The following GALNT2 variants were observed in gnomAD, a reference collection of about 807,000 sequenced individuals.
GALNT2 encodes polypeptide N-acetylgalactosaminyltransferase 2.
A neutral mutation model predicts 81.4 loss-of-function variants in GALNT2; 31 were observed. The observed-to-expected ratio is 0.38, with a 90% CI of 0.29 to 0.51. GALNT2 has a LOEUF of 0.51. Ranked by LOEUF, GALNT2 falls within the 20% of genes least tolerant of loss-of-function variation. The pLI, the probability that GALNT2 is intolerant of heterozygous loss-of-function variation, is 0.87. For missense variants in GALNT2, 629 were observed against 765.7 expected (o/e 0.82, Z 2.11); for synonymous variants, 303 against 287.4 (o/e 1.05, Z -0.55).
rs1330804479 is a variant in GALNT2 at position 230,279,216 on chromosome 1, G to A, written c.1561-87G>A. On this transcript the variant is annotated intron_variant, in intron 15 of 15. Coordinates refer to ENST00000366672, the MANE Select transcript of GALNT2 (RefSeq NM_004481.5). This position sits in a 1 kb window ranked among gnomAD's most constrained non-coding sequence, Gnocchi z 4.6. Reference sequence around the variant, plus strand: ...ACGTGTCTATCTGTGAGTTTTTAATGCAGCCACAAGGTCCTGAATTCACAC... The same window carrying A: ...ACGTGTCTATCTGTGAGTTTTTAATACAGCCACAAGGTCCTGAATTCACAC... 2.1e-6 allele frequency: 3 copies of A among 1,399,984 alleles called. No individual in the cohort carries two copies. Among genetic ancestry groups the A allele is most frequent in the Non-Finnish European group, 2.9e-6 (3 of 1,031,094 alleles). The allele number at this position is 1,399,984 out of a possible 1,614,324, so 86.7% of individuals were successfully genotyped here.
chr1:230,075,521 G>A (rs951809185), intron 1 of GALNT2, among the ~76,000 whole-genome samples: 6 of 152,194 alleles, frequency 3.9e-5, no homozygotes, highest in African/African-American at 1.4e-4. Context: ...TGCCCCTCCG[G>A]AAGGAGCAGA....
At chr1:230,235,744 C>CT (rs200630073) in intron 3 of GALNT2, among the ~76,000 whole-genome samples, 2 of 152,072 alleles carry the variant, frequency 1.3e-5, no homozygotes, top group South Asian at 2.1e-4. Context: ...TTTTAAAACA[C>CT]TTTTTTTTAA....
At chr1:230,265,040 A>C (rs925409581) in intron 13 of GALNT2, 4 of 596,972 alleles carry the variant, frequency 6.7e-6, no homozygotes, top group Non-Finnish European at 9.0e-6. Flanking sequence ...ATACAGTCTT[A>C]AAGTGTTGGA....
intron 1 of GALNT2, among the ~76,000 whole-genome samples, chr1:230,116,011 C>T (rs1660834110): frequency 6.6e-6 from 1 of 152,218 alleles, no homozygotes; most frequent in Non-Finnish European, 1.5e-5. Flanking sequence ...AACTGCAGTT[C>T]CTTCTCCACT....
In GALNT2 at chr1:230,070,390, G is replaced by A. The variant is rs373221242; in HGVS notation, c.126+2984G>A. 6.6e-6 allele frequency among the ~76,000 whole-genome samples: 1 copy of A among 152,150 alleles called. No individual in the cohort carries two copies. Among genetic ancestry groups the A allele is most frequent in the African/African-American group, 2.4e-5 (1 of 41,418 alleles). On this transcript the variant is annotated intron_variant, in intron 1 of 15. Transcript: ENST00000366672. The surrounding 1 kb of genome is among the most constrained non-coding windows in gnomAD (Gnocchi z 4.7). Reference sequence around the variant, plus strand: ...TGGTACGTTGGCAGTGGATGGAGCCGCAGAAGAGAGGAAGGGATTTCTCTG... The same window carrying A: ...TGGTACGTTGGCAGTGGATGGAGCCACAGAAGAGAGGAAGGGATTTCTCTG...
chr1:230,182,473 T>G lies in GALNT2; in HGVS notation c.220+4162T>G, dbSNP rs143768415. Among the ~76,000 whole-genome samples, 109 of 152,372 alleles carry G rather than the reference T, an allele frequency of 7.2e-4. 1 individual carries two copies. Among genetic ancestry groups the G allele is most frequent in the East Asian group, 6.7e-3 (35 of 5,194 alleles). On this transcript the variant is annotated intron_variant, in intron 2 of 15. Coordinates refer to ENST00000366672, the MANE Select transcript of GALNT2 (RefSeq NM_004481.5). ...AATTTAAAATCATTTTTTCTTGAGATTTCTTCTTTGACCCCTGTGTCATTT... is the reference window on the plus strand; with the variant it reads ...AATTTAAAATCATTTTTTCTTGAGAGTTCTTCTTTGACCCCTGTGTCATTT...
intron 2 of GALNT2, among the ~76,000 whole-genome samples, chr1:230,187,870 A>G (rs1163385518): frequency 1.4e-4 from 21 of 152,072 alleles, no homozygotes; most frequent in African/African-American, 4.1e-4. Flanking sequence ...GATTCTCTCC[A>G]ACATCCGGCT....
At chr1:230,084,984 C>G (rs1158114864) in intron 1 of GALNT2, among the ~76,000 whole-genome samples, 2 of 152,028 alleles carry the variant, frequency 1.3e-5, no homozygotes, top group South Asian at 4.1e-4. Flanking sequence ...TAAGTTAAGC[C>G]CTTAAATCCT....
At chr1:230,069,391 T>G (rs1304068297) in intron 1 of GALNT2, among the ~76,000 whole-genome samples, 1 of 152,188 alleles carries the variant, frequency 6.6e-6, no homozygotes. Context: ...ATTGGTGATT[T>G]GGGATTCTAT....
At chr1:230,087,089 G>A (rs1008869543) in intron 1 of GALNT2, among the ~76,000 whole-genome samples, 1 of 152,190 alleles carries the variant, frequency 6.6e-6, no homozygotes, top group African/African-American at 2.4e-5. Flanking sequence ...CCATCCCAGG[G>A]AGGGAGGTAT....
At chr1:230,091,792 C>T (rs1044231129) in intron 1 of GALNT2, 4 of 152,490 alleles carry the variant, frequency 2.6e-5, no homozygotes, top group Non-Finnish European at 5.9e-5. Context: ...ACTGGCCAGC[C>T]AGCCTCATCG....
intron 1 of GALNT2, among the ~76,000 whole-genome samples, chr1:230,164,360 A>G (rs985246639): frequency 7.2e-5 from 11 of 152,348 alleles, no homozygotes; most frequent in African/African-American, 2.6e-4. Flanking sequence ...TTTACTGCTA[A>G]CAGCGGTGAT....
chr1:230,067,926 C>T (rs1208803896), intron 1 of GALNT2, among the ~76,000 whole-genome samples: 1 of 152,182 alleles, frequency 6.6e-6, no homozygotes, highest in Non-Finnish European at 1.5e-5. Flanking sequence ...CTTCTTTGCC[C>T]TTTACCTTTG....
intron 1 of GALNT2, among the ~76,000 whole-genome samples, chr1:230,138,526 A>C (rs1351700751): frequency 1.4e-5 from 2 of 144,934 alleles, no homozygotes; most frequent in African/African-American, 5.2e-5. Context: ...CTCTGTCTCA[A>C]AAAAAAAAAA....
intron 1 of GALNT2, among the ~76,000 whole-genome samples, chr1:230,145,129 G>A (rs912576667): frequency 6.6e-6 from 1 of 151,878 alleles, no homozygotes; most frequent in Non-Finnish European, 1.5e-5. Context: ...CACTTAGAGC[G>A]ACCCATGTGC....
chr1:230,200,275 G>C (rs1362303761), intron 2 of GALNT2, among the ~76,000 whole-genome samples: 1 of 152,100 alleles, frequency 6.6e-6, no homozygotes, highest in East Asian at 1.9e-4. Context: ...TGTTGGCCAG[G>C]CTGGTCTCGA....
chr1:230,158,730 C>G (rs1242944449), intron 1 of GALNT2, among the ~76,000 whole-genome samples: 1 of 152,382 alleles, frequency 6.6e-6, no homozygotes, highest in East Asian at 1.9e-4. Context: ...CAGGTCCTTT[C>G]TCTCCTTCTG....
chr1:230,157,270 G>C (rs1662287104), intron 1 of GALNT2, among the ~76,000 whole-genome samples: 1 of 152,200 alleles, frequency 6.6e-6, no homozygotes, highest in South Asian at 2.1e-4. Flanking sequence ...CAAACTTATA[G>C]AAAGCTGCAT....
At chr1:230,201,833 C>T (rs1463167003) in intron 2 of GALNT2, among the ~76,000 whole-genome samples, 2 of 152,170 alleles carry the variant, frequency 1.3e-5, no homozygotes, top group Admixed American at 6.5e-5. Flanking sequence ...ATGCCCACAC[C>T]CTGCCTTTGT....
Sources: allele counts gnomAD v4.1 joint callset (sites outside exome capture counted in the v4.1 genomes callset), GRCh38; gene constraint gnomAD v4.1.1; non-coding constraint Gnocchi (gnomAD v3.1); transcripts MANE v1.5; gene names NCBI Gene and HGNC (gene_info 2026-07-23, HGNC 2026-07-21).